SPPL2B: variants seen among roughly 807,000 people sequenced by gnomAD.
SPPL2B encodes signal peptide peptidase like 2B.
SPPL2B carries 39 observed loss-of-function variants against 59.7 expected under a neutral mutation model. That is an observed-to-expected ratio of 0.65 (90% CI 0.51 to 0.85). The LOEUF (loss-of-function observed/expected upper bound fraction) is 0.85. Ranked by LOEUF, SPPL2B falls within the 40% of genes least tolerant of loss-of-function variation. The pLI is 0.00. For missense variants in SPPL2B, 865 were observed against 849.0 expected (o/e 1.02, Z -0.23); for synonymous variants, 419 against 370.8 (o/e 1.13, Z -1.49).
intron 2 of SPPL2B, among the ~76,000 whole-genome samples, chr19:2,336,896 T>TGG (rs1328072935): frequency 1.6e-4 from 19 of 115,298 alleles, no homozygotes; most frequent in African/African-American, 5.0e-4. Context: ...GGTCTGGCTG[T>TGG]GGGTGTGTGT....
intron 13 of SPPL2B, among the ~76,000 whole-genome samples, chr19:2,346,910 A>G (rs1482656697): frequency 6.6e-6 from 1 of 152,194 alleles, no homozygotes; most frequent in African/African-American, 2.4e-5. Context: ...AAATACAGAG[A>G]TGGGTGTTAG....
At position 2,353,340 on chromosome 19, in the gene SPPL2B, C is replaced by G. The variant is rs1970036750; in HGVS notation, c.*131C>G. ...CCTGTGCCGTCCCCACCCGCCCCAA[C>G]ATGGTGCTCATCCTTGCCGAGACCC... On this transcript the variant is annotated 3_prime_UTR_variant, in exon 15 of 15. Coordinates refer to ENST00000613503, the MANE Select transcript of SPPL2B (RefSeq NM_152988.3). The G allele has an allele frequency of 8.7e-7, 1 of 1,150,788 alleles. No individual in the cohort carries two copies. The highest frequency in any genetic ancestry group is 1.2e-6 in the Non-Finnish European group (1 of 839,964). The allele number at this position is 1,150,788 out of a possible 1,614,324, so 71.3% of individuals were successfully genotyped here.
At chr19:2,351,734 T>C in intron 14 of SPPL2B, 140 bp downstream of exon 14, 1 of 1,176,628 alleles carries the variant, frequency 8.5e-7, no homozygotes, top group Non-Finnish European at 1.2e-6. Flanking sequence ...CTGCTTTGGG[T>C]GTCATGCGCG....
intron 3 of SPPL2B, chr19:2,338,381 GT>G: frequency 5.8e-6 from 1 of 172,722 alleles, no homozygotes; most frequent in Non-Finnish European, 1.2e-5. Context: ...CGCTGCCGTC[GT>G]AGTTGAGAGA....
intron 14 of SPPL2B, among the ~76,000 whole-genome samples, chr19:2,352,549 C>A (rs1969985128): frequency 6.6e-6 from 1 of 152,156 alleles, no homozygotes; most frequent in South Asian, 2.1e-4. Flanking sequence ...GGGACCATGG[C>A]CTGAGACCAG....
Position 2,343,206 on chromosome 19 carries a change from T to C in SPPL2B, c.957-5T>C. On this transcript the variant is annotated splice_region_variant and splice_polypyrimidine_tract_variant and intron_variant, in intron 8 of 14. Coordinates refer to ENST00000613503, the MANE Select transcript of SPPL2B (RefSeq NM_152988.3). ...CCCCGGCGAGGATGCTGCTTTGTCT[T>C]GCAGGTGGGCCTGGGTCCTCCAGGA... 6.4e-7 allele frequency: 1 copy of C among 1,553,174 alleles called. No individual in the cohort carries two copies. Among genetic ancestry groups the C allele is most frequent in the South Asian group, 1.2e-5 (1 of 84,282 alleles).
chr19:2,339,586 C>T, intron 5 of SPPL2B: 1 of 602,756 alleles, frequency 1.7e-6, no homozygotes, highest in South Asian at 2.0e-5. Context: ...ACACGCCAGC[C>T]TCTGGCCCGG....
chr19:2,344,879 C>T (rs1969278783), intron 12 of SPPL2B, among the ~76,000 whole-genome samples: 1 of 152,130 alleles, frequency 6.6e-6, no homozygotes, highest in Admixed American at 6.5e-5. Context: ...GGAAGGCCCC[C>T]CGATTGCAGA....
intron 10 of SPPL2B, 118 bp downstream of exon 10, chr19:2,344,157 C>G: frequency 3.9e-6 from 2 of 513,960 alleles, no homozygotes; most frequent in Admixed American, 2.5e-5. Context: ...TCGTCCCCCT[C>G]CACCCCACAC....
At chr19:2,338,408 CGGGGCT>C in intron 3 of SPPL2B, 1 of 198,584 alleles carries the variant, frequency 5.0e-6, no homozygotes, top group Admixed American at 5.7e-5. Flanking sequence ...TCAGTGGGTG[CGGGGCT>C]CAAGGCGGCT....
intron 2 of SPPL2B, 180 bp from the exon 3 acceptor site, chr19:2,337,263 C>T (rs1453458612): frequency 1.8e-6 from 1 of 541,858 alleles, no homozygotes; most frequent in East Asian, 3.3e-5. Flanking sequence ...GCCCGTCGCC[C>T]AGGGTCCGGC....
At chr19:2,347,079 G>T (rs1206515878) in intron 13 of SPPL2B, among the ~76,000 whole-genome samples, 1 of 152,090 alleles carries the variant, frequency 6.6e-6, no homozygotes, top group Non-Finnish European at 1.5e-5. Flanking sequence ...GTTCTCAGAG[G>T]GACTGGTCAT....
intron 8 of SPPL2B, chr19:2,341,860 G>A: frequency 3.1e-6 from 1 of 321,460 alleles, no homozygotes; most frequent in South Asian, 2.4e-5. Context: ...GCATTTGGTA[G>A]GCCAAGGCAG....
chr19:2,336,110 A>G (rs115510080), intron 2 of SPPL2B, among the ~76,000 whole-genome samples: 14,689 of 152,200 alleles, frequency 0.097, 801 homozygotes, highest in Middle Eastern at 0.16. Flanking sequence ...GTGCATGGAC[A>G]TGTGTGCCTT....
chr19:2,331,830 C>A (rs1968306920), intron 1 of SPPL2B, among the ~76,000 whole-genome samples: 1 of 152,236 alleles, frequency 6.6e-6, no homozygotes, highest in African/African-American at 2.4e-5. Context: ...TTGGTTTCTC[C>A]TGTTGTTCTT....
At chr19:2,348,679 G>A (rs1433033689) in intron 13 of SPPL2B, among the ~76,000 whole-genome samples, 1 of 113,382 alleles carries the variant, frequency 8.8e-6, no homozygotes, top group Non-Finnish European at 1.8e-5. Context: ...ACACACTCAC[G>A]CTCTCATTCG....
intron 8 of SPPL2B, chr19:2,341,600 C>T (rs1376673237): frequency 4.4e-6 from 2 of 456,264 alleles, no homozygotes; most frequent in Non-Finnish European, 8.8e-6. Context: ...GTCCCCACCG[C>T]TGTCGCTGAT....
intron 13 of SPPL2B, among the ~76,000 whole-genome samples, chr19:2,348,209 A>C (rs1413282499): frequency 2.2e-4 from 20 of 89,720 alleles, no homozygotes; most frequent in Admixed American, 3.8e-4. Context: ...TTCTCTCTCC[A>C]CACACACACA....
chr19:2,341,542 A>C (rs1204434760), intron 8 of SPPL2B: 1 of 449,788 alleles, frequency 2.2e-6, no homozygotes, highest in Non-Finnish European at 4.5e-6. Flanking sequence ...CATGAGGCCG[A>C]GTGCCTGGTG....
Sources: allele counts gnomAD v4.1 joint callset (sites outside exome capture counted in the v4.1 genomes callset), GRCh38; gene constraint gnomAD v4.1.1; transcripts MANE v1.5; gene names NCBI Gene and HGNC (gene_info 2026-07-23, HGNC 2026-07-21).